TRDN: variants seen among roughly 807,000 people sequenced by gnomAD.
TRDN encodes triadin in skeletal muscle.
In TRDN, 161 loss-of-function variants were observed where a neutral mutation model predicts 149.7. The ratio of observed to expected loss-of-function variants is 1.08; its 90% CI spans 0.95 to 1.23. The LOEUF (loss-of-function observed/expected upper bound fraction) is 1.23, where lower values mean the gene tolerates loss of function less well. Ranked by LOEUF, TRDN falls within the 50% of genes most tolerant of loss-of-function variation. The pLI, the probability that TRDN is intolerant of heterozygous loss-of-function variation, is 0.00. For missense variants in TRDN, 896 were observed against 823.5 expected (o/e 1.09, Z -1.08); for synonymous variants, 294 against 250.5 (o/e 1.17, Z -1.64).
In TRDN at chr6:123,298,195, C is replaced by G. The variant is rs766114026; in HGVS notation, c.1510+18262G>C. 1.3e-5 allele frequency among the ~76,000 whole-genome samples: 2 copies of G among 152,010 alleles called. 1 individual carries two copies. Among genetic ancestry groups the G allele is most frequent in the African/African-American group, 4.8e-5 (2 of 41,416 alleles). On this transcript the variant is annotated intron_variant, in intron 24 of 40. Transcript: ENST00000334268. ...AAAAACCGGGGATTGGGACTAGGTT[C>G]TAATAATGAAACTAGCCATCTCTAT... is the stretch of plus-strand genomic sequence containing the variant.
chr6:123,476,023 A>G (rs1583108867), intron 9 of TRDN, among the ~76,000 whole-genome samples: 2 of 129,336 alleles, frequency 1.5e-5, no homozygotes, highest in South Asian at 3.1e-4. Context: ...CTCTCTCACC[A>G]CTCCTATTCA....
intron 9 of TRDN, among the ~76,000 whole-genome samples, chr6:123,473,328 G>A (rs1777285762): frequency 6.6e-6 from 1 of 152,058 alleles, no homozygotes. Context: ...GCGATCAACT[G>A]GAAGAAAGGG....
intron 40 of TRDN, 42 bp from the exon 41 acceptor site, chr6:123,218,782 A>G: frequency 6.5e-7 from 1 of 1,543,324 alleles, no homozygotes. Flanking sequence ...CATGCAGAAC[A>G]TGAGCAAAAA....
intron 4 of TRDN, among the ~76,000 whole-genome samples, chr6:123,530,881 T>C (rs1380685565): frequency 6.6e-6 from 1 of 151,986 alleles, no homozygotes; most frequent in Non-Finnish European, 1.5e-5. Context: ...TTATTTCAAT[T>C]ACTCTCAATA....
At chr6:123,270,313 A>G (rs9375239) in intron 30 of TRDN, among the ~76,000 whole-genome samples, 26,864 of 151,898 alleles carry the variant, frequency 0.18, 3,096 homozygotes, top group East Asian at 0.54. Flanking sequence ...CTACTTATAA[A>G]CTAGTCTATA....
At chr6:123,362,002 C>G (rs954280189) in intron 20 of TRDN, among the ~76,000 whole-genome samples, 4 of 152,154 alleles carry the variant, frequency 2.6e-5, no homozygotes, top group Admixed American at 2.0e-4. Flanking sequence ...AGCACTTTGA[C>G]TTAAATTTAT....
intron 9 of TRDN, among the ~76,000 whole-genome samples, chr6:123,489,929 C>T (rs1429073060): frequency 6.6e-6 from 1 of 151,664 alleles, no homozygotes; most frequent in African/African-American, 2.4e-5. Flanking sequence ...TTTCACTGAA[C>T]ACAGTTTATA....
At chr6:123,303,153 C>T (rs538171967) in intron 24 of TRDN, among the ~76,000 whole-genome samples, 3 of 152,218 alleles carry the variant, frequency 2.0e-5, no homozygotes, top group Admixed American at 2.0e-4. Flanking sequence ...ATGTAAACCA[C>T]TCCATATCAA....
chr6:123,431,537 A>G (rs1774342531), intron 12 of TRDN, among the ~76,000 whole-genome samples: 1 of 152,176 alleles, frequency 6.6e-6, no homozygotes, highest in South Asian at 2.1e-4. Context: ...TCCAGAAAAA[A>G]GATAACTTTC....
chr6:123,330,925 T>TA (rs961156314), intron 23 of TRDN, among the ~76,000 whole-genome samples: 3 of 151,914 alleles, frequency 2.0e-5, no homozygotes, highest in African/African-American at 7.2e-5. Context: ...CTCTTATCAA[T>TA]AAAAAAATCC....
chr6:123,336,731 G>A (rs1473805092), intron 22 of TRDN, among the ~76,000 whole-genome samples: 4 of 151,476 alleles, frequency 2.6e-5, no homozygotes, highest in Non-Finnish European at 5.9e-5. Context: ...GCACTGATCA[G>A]TCCACACAAA....
At chr6:123,245,716 T>C (rs1382499284) in intron 38 of TRDN, among the ~76,000 whole-genome samples, 1 of 152,116 alleles carries the variant, frequency 6.6e-6, no homozygotes, top group African/African-American at 2.4e-5. Flanking sequence ...ATTCAGGACT[T>C]GAACTCAGCT....
chr6:123,403,165 C>A (rs75688366), intron 12 of TRDN, among the ~76,000 whole-genome samples: 2,162 of 152,140 alleles, frequency 0.014, 64 homozygotes, highest in African/African-American at 0.049. Context: ...TAAGAAAAAT[C>A]CAAATGTTGA....
At chr6:123,510,642 C>T (rs988048015) in intron 7 of TRDN, among the ~76,000 whole-genome samples, 3 of 138,482 alleles carry the variant, frequency 2.2e-5, no homozygotes, top group Non-Finnish European at 3.1e-5. Context: ...TGCATGACCA[C>T]TTTTTTTTTT....
chr6:123,374,341 A>G (rs1231586612), intron 19 of TRDN, among the ~76,000 whole-genome samples: 1 of 152,222 alleles, frequency 6.6e-6, no homozygotes, highest in Non-Finnish European at 1.5e-5. Flanking sequence ...GCAATCTTCA[A>G]TCTAAAGCTC....
intron 24 of TRDN, among the ~76,000 whole-genome samples, chr6:123,299,348 T>G (rs1315355682): frequency 6.6e-6 from 1 of 152,054 alleles, no homozygotes; most frequent in Non-Finnish European, 1.5e-5. Context: ...GGAACCATTA[T>G]TTGTCTCAGG....
At chr6:123,456,978 G>A (rs148677659) in intron 10 of TRDN, 1 of 358,020 alleles carries the variant, frequency 2.8e-6, no homozygotes, top group East Asian at 8.5e-5. Context: ...GTAAGCAAGA[G>A]CATTGGAGGA....
At chr6:123,263,621 C>G (rs559560465) in intron 33 of TRDN, among the ~76,000 whole-genome samples, 1 of 151,794 alleles carries the variant, frequency 6.6e-6, no homozygotes, top group African/African-American at 2.4e-5. Flanking sequence ...AGAGTGAGAC[C>G]CTGTCTTTAA....
intron 22 of TRDN, among the ~76,000 whole-genome samples, chr6:123,333,290 TGA>T (rs1268120307): frequency 6.6e-6 from 1 of 151,774 alleles, no homozygotes; most frequent in Non-Finnish European, 1.5e-5. Flanking sequence ...TCTAAATGGG[TGA>T]GTGTGTATGT....
Sources: allele counts gnomAD v4.1 joint callset (sites outside exome capture counted in the v4.1 genomes callset), GRCh38; gene constraint gnomAD v4.1.1; transcripts MANE v1.5; gene names NCBI Gene and HGNC (gene_info 2026-07-23, HGNC 2026-07-21).